The following MCM9 variants were observed in gnomAD, a reference collection of about 807,000 sequenced individuals.
The protein encoded by MCM9 is DNA helicase MCM9.
Under a neutral mutation model 72.8 loss-of-function variants are expected in MCM9, and 55 were observed. That is an observed-to-expected ratio of 0.76 (90% CI 0.61 to 0.95). MCM9 has a LOEUF of 0.95. Ranked by LOEUF, MCM9 falls within the 40% of genes least tolerant of loss-of-function variation. MCM9 has a pLI of 0.00. For missense variants in MCM9, 1,279 were observed against 1,377.0 expected, an observed-to-expected ratio of 0.93 and a Z score of 1.13; for synonymous variants, 480 against 503.4, an observed-to-expected ratio of 0.95 and a Z score of 0.62.
At chr6:118,934,524 C>T (rs1782733434) in intron 1 of MCM9, 1 of 151,820 alleles carries the variant, frequency 6.6e-6, no homozygotes, top group South Asian at 2.1e-4. Context: ...GCCCCGCCCC[C>T]TCCGCGCGGG....
chr6:118,861,182 G>A (rs546975167), intron 8 of MCM9, among the ~76,000 whole-genome samples: 4 of 152,302 alleles, frequency 2.6e-5, no homozygotes, highest in South Asian at 2.1e-4. Context: ...TGGACCAGAC[G>A]TACCATAAGC....
chr6:118,875,334 C>T (rs139426617), intron 8 of MCM9, among the ~76,000 whole-genome samples: 93 of 152,280 alleles, frequency 6.1e-4, no homozygotes, highest in African/African-American at 2.1e-3. Flanking sequence ...TCAACCCAAG[C>T]TAATCAAACT....
chr6:118,908,209 T>C (rs997373062), intron 8 of MCM9: 3 of 152,164 alleles, frequency 2.0e-5, no homozygotes, highest in South Asian at 4.1e-4. Context: ...TTTGGTTTGT[T>C]TGGTAAGAGA....
At chr6:118,878,273 T>G (rs764049681) in intron 8 of MCM9, among the ~76,000 whole-genome samples, 51 of 152,004 alleles carry the variant, frequency 3.4e-4, no homozygotes, top group Non-Finnish European at 5.6e-4. Flanking sequence ...TTAATTAATG[T>G]AAAGTTAAAA....
chr6:118,924,539 C>T (rs1197819362), intron 3 of MCM9, among the ~76,000 whole-genome samples: 2 of 152,032 alleles, frequency 1.3e-5, no homozygotes, highest in South Asian at 2.1e-4. Context: ...TAGTAAATCA[C>T]GCAGCAGACC....
chr6:118,871,901 G>A (rs533598566), intron 8 of MCM9, among the ~76,000 whole-genome samples: 88 of 152,048 alleles, frequency 5.8e-4, no homozygotes, highest in African/African-American at 2.1e-3. Flanking sequence ...AGGAGACTCC[G>A]TCTCAAAAAC....
chr6:118,894,738 C>G (rs147886588), intron 8 of MCM9, among the ~76,000 whole-genome samples: 28,002 of 151,736 alleles, frequency 0.18, 3,305 homozygotes, highest in East Asian at 0.37. Flanking sequence ...TTGCGAGGAA[C>G]TTGTTTGAGC....
At chr6:118,898,080 A>G (rs9489536) in intron 8 of MCM9, among the ~76,000 whole-genome samples, 10,039 of 152,232 alleles carry the variant, frequency 0.066, 468 homozygotes, top group East Asian at 0.19. Context: ...AGGTTTTCAG[A>G]AGAAGCCCGG....
At chr6:118,904,091 C>G (rs1036219956) in intron 8 of MCM9, among the ~76,000 whole-genome samples, 8 of 135,386 alleles carry the variant, frequency 5.9e-5, no homozygotes, top group Non-Finnish European at 9.3e-5. Flanking sequence ...GTTTTAAAAC[C>G]AAAGAGAAAG....
At chr6:118,843,093 C>G (rs1348961757) in intron 9 of MCM9, among the ~76,000 whole-genome samples, 1 of 152,098 alleles carries the variant, frequency 6.6e-6, no homozygotes, top group African/African-American at 2.4e-5. Flanking sequence ...TTGACTATAA[C>G]AAGCTTTTGC....
At position 118,814,455 on chromosome 6, in the gene MCM9, T is replaced by C. The variant is rs896602275; in HGVS notation, c.*369A>G. 1 of 167,488 alleles carries C rather than the reference T, an allele frequency of 6.0e-6. No individual in the cohort carries two copies. Among genetic ancestry groups the C allele is most frequent in the Non-Finnish European group, 1.3e-5 (1 of 79,792 alleles). The allele number at this position is 167,488 out of a possible 1,614,324, so 10.4% of individuals were successfully genotyped here. ...TGTTAGATTTATGAGTGCTACCTTCTTGACATTTGTTCCTGAGTGAATGAA... is the reference window on the plus strand; with the variant it reads ...TGTTAGATTTATGAGTGCTACCTTCCTGACATTTGTTCCTGAGTGAATGAA... On this transcript the variant is annotated 3_prime_UTR_variant, in exon 14 of 14. Transcript: ENST00000619706.
chr6:118,907,815 G>A (rs1191489771), intron 8 of MCM9: 2 of 499,552 alleles, frequency 4.0e-6, no homozygotes, highest in Admixed American at 3.5e-5. Context: ...TTTCTCTAAT[G>A]TGTTATTTTA....
intron 8 of MCM9, among the ~76,000 whole-genome samples, chr6:118,886,003 T>G (rs572074656): frequency 2.6e-4 from 40 of 151,756 alleles, no homozygotes; most frequent in Non-Finnish European, 1.5e-5. Context: ...AAGGTTCATT[T>G]AACACCTGAA....
intron 5 of MCM9, chr6:118,921,518 C>T (rs1287097971): frequency 6.6e-6 from 1 of 152,284 alleles, no homozygotes; most frequent in Non-Finnish European, 1.5e-5. Flanking sequence ...CAATCAGTGA[C>T]TCCAATCACG....
chr6:118,828,320 C>T (rs544483761), intron 10 of MCM9, among the ~76,000 whole-genome samples, 190 bp from the exon 11 acceptor site: 4 of 152,094 alleles, frequency 2.6e-5, no homozygotes, highest in Admixed American at 6.5e-5. Flanking sequence ...AGGTAAGCTT[C>T]CTGCCTTTAT....
Position 118,865,030 on chromosome 6 carries a change from G to C in MCM9, c.1151-8485C>G, listed in dbSNP as rs138935366. Among the ~76,000 whole-genome samples the C allele has an allele frequency of 1.8e-3, 277 of 152,288 alleles. 1 individual carries two copies. The highest frequency in any genetic ancestry group is 0.01 in the South Asian group (50 of 4,818). ...CCTAAGAAGTGGACCGGCACTTCTTGAGTCTTCTCCCCTGGCTCATGCCAG... is the reference window on the plus strand; with the variant it reads ...CCTAAGAAGTGGACCGGCACTTCTTCAGTCTTCTCCCCTGGCTCATGCCAG... On this transcript the variant is annotated intron_variant, in intron 8 of 13. Transcript: ENST00000619706.
In MCM9 at chr6:118,826,166, C is replaced by T; in HGVS notation, c.1942G>A (p.Glu648Lys). 6.5e-7 allele frequency: 1 copy of T among 1,550,298 alleles called. No individual in the cohort carries two copies. Among genetic ancestry groups the T allele is most frequent in the South Asian group, 1.2e-5 (1 of 84,042 alleles). The part of the protein sequence containing the change: ...KLELQSLLSE[E>K]LRRLERLQNQ... The stretch of plus-strand genomic sequence containing the variant: ...CCTCACCTTTCAAGTCTTCTAAGCT[C>T]TTCACTCAAGAGGCTCTGCAGCTCT... Residue 648 changes from glutamate to lysine, a missense_variant, in exon 13 of 14, where the codon GAG becomes AAG. Glu to Lys is a moderately conservative substitution (Grantham distance 56). Transcript: ENST00000619706.
chr6:118,831,828 C>T (rs1220216405), intron 9 of MCM9, among the ~76,000 whole-genome samples: 1 of 152,144 alleles, frequency 6.6e-6, no homozygotes, highest in Non-Finnish European at 1.5e-5. Flanking sequence ...CAAGCAAGCA[C>T]TGCATTAGGT....
intron 8 of MCM9, among the ~76,000 whole-genome samples, chr6:118,900,226 C>G (rs1202734840): frequency 6.6e-6 from 1 of 152,140 alleles, no homozygotes. Flanking sequence ...GAGCTGAAGC[C>G]ACTTACTTCT....
Sources: gnomAD v4.1 joint callset for allele counts (sites outside exome capture counted in the v4.1 genomes callset) on GRCh38, gnomAD v4.1.1 for gene constraint, MANE v1.5 for transcripts, NCBI Gene and HGNC (gene_info 2026-07-23, HGNC 2026-07-21) for gene names.